Variants in POLR3B observed in about 807,000 individuals in gnomAD.
POLR3B encodes DNA-directed RNA polymerase III subunit RPC2.
In POLR3B, 96 loss-of-function variants were observed where a neutral mutation model predicts 147.4. The observed-to-expected ratio is 0.65, with a 90% CI of 0.55 to 0.77. POLR3B has a LOEUF of 0.77. POLR3B is among the 30% of genes least tolerant of loss of function. POLR3B has a pLI of 0.00. For synonymous variants in POLR3B, 461 were observed against 485.9 expected, an observed-to-expected ratio of 0.95 and a Z score of 0.67; for missense variants, 1,036 against 1,413.5, an observed-to-expected ratio of 0.73 and a Z score of 4.28.
At chr12:106,443,673 A>C (rs1409085212) in intron 18 of POLR3B, among the ~76,000 whole-genome samples, 3 of 151,100 alleles carry the variant, frequency 2.0e-5, no homozygotes, top group Non-Finnish European at 2.9e-5. Flanking sequence ...GCCCGCCACC[A>C]TGCCTGGCTA....
chr12:106,503,596 A>T (rs577460432), intron 26 of POLR3B, among the ~76,000 whole-genome samples: 1 of 152,344 alleles, frequency 6.6e-6, no homozygotes, highest in African/African-American at 2.4e-5. Context: ...TCCATTCAAG[A>T]GGCTAACAGC....
At chr12:106,359,895 G>C (rs1470214026) in intron 1 of POLR3B, among the ~76,000 whole-genome samples, 1 of 152,154 alleles carries the variant, frequency 6.6e-6, no homozygotes, top group Non-Finnish European at 1.5e-5. Flanking sequence ...CTATCGGACC[G>C]CTTCTCCAGA....
At chr12:106,409,136 A>G (rs1305256934) in intron 11 of POLR3B, among the ~76,000 whole-genome samples, 2 of 152,184 alleles carry the variant, frequency 1.3e-5, no homozygotes, top group African/African-American at 2.4e-5. Flanking sequence ...TTTCTCATTA[A>G]CAAGAAAGAT....
chr12:106,378,400 A>G lies in POLR3B; in HGVS notation c.614+16A>G, dbSNP rs1471527006. 6.7e-7 allele frequency: 1 copy of G among 1,493,150 alleles called. No homozygotes were observed. Among genetic ancestry groups the G allele is most frequent in the South Asian group, 1.1e-5 (1 of 88,648 alleles). The allele number at this position is 1,493,150 out of a possible 1,614,324, so 92.5% of individuals were successfully genotyped here. A position where few individuals can be genotyped will look rare whatever the true frequency, so the allele number is the denominator to read the frequency against. On this transcript the variant is annotated intron_variant, in intron 8 of 27. Transcript: ENST00000228347. The stretch of plus-strand genomic sequence containing the variant: ...CAGTTACCAGGTATGGAAAGCAGAG[A>G]TGGTGTCCTTAAGCAATATTGGTCA...
intron 2 of POLR3B, among the ~76,000 whole-genome samples, chr12:106,365,281 G>A (rs555225760): frequency 2.8e-4 from 43 of 152,236 alleles, no homozygotes; most frequent in Non-Finnish European, 5.6e-4. Flanking sequence ...TTTGAAAGCC[G>A]TGTTAAGGAT....
intron 12 of POLR3B, among the ~76,000 whole-genome samples, chr12:106,425,920 T>C (rs545226487): frequency 6.6e-6 from 1 of 152,320 alleles, no homozygotes; most frequent in African/African-American, 2.4e-5. Flanking sequence ...TATGTTGTTT[T>C]ATGTCTGGTT....
intron 23 of POLR3B, among the ~76,000 whole-genome samples, chr12:106,480,579 C>A (rs989076947): frequency 2.6e-5 from 4 of 152,132 alleles, no homozygotes; most frequent in African/African-American, 9.7e-5. Context: ...CGCTTGCTAC[C>A]CTTGGGTCTC....
At chr12:106,379,839 T>C (rs2036734919) in intron 8 of POLR3B, among the ~76,000 whole-genome samples, 192 bp from the exon 9 acceptor site, 1 of 152,230 alleles carries the variant, frequency 6.6e-6, no homozygotes, top group Non-Finnish European at 1.5e-5. Flanking sequence ...AAATTTATAG[T>C]GTTTTTAAAT....
At chr12:106,484,918 G>T (rs2038317440) in intron 23 of POLR3B, among the ~76,000 whole-genome samples, 1 of 152,096 alleles carries the variant, frequency 6.6e-6, no homozygotes, top group Non-Finnish European at 1.5e-5. Context: ...AAGCAGCACA[G>T]TATGAGACTT....
At chr12:106,400,090 T>C (rs1375593720) in intron 10 of POLR3B, among the ~76,000 whole-genome samples, 1 of 152,098 alleles carries the variant, frequency 6.6e-6, no homozygotes, top group Non-Finnish European at 1.5e-5. Context: ...AGGAAACCCA[T>C]CTAAGGTGCA....
At chr12:106,496,939 T>C in intron 25 of POLR3B, 21 bp downstream of exon 25, 2 of 1,610,548 alleles carry the variant, frequency 1.2e-6, no homozygotes, top group Non-Finnish European at 1.7e-6. Flanking sequence ...GATTGAGCTA[T>C]TTTAAAGAAA....
At chr12:106,436,659 C>T (rs961090489) in intron 16 of POLR3B, among the ~76,000 whole-genome samples, 3 of 152,124 alleles carry the variant, frequency 2.0e-5, no homozygotes, top group Admixed American at 1.3e-4. Flanking sequence ...AATGTGAAAT[C>T]GGGAAGTTTT....
chr12:106,456,687 A>C (rs1219724118), intron 20 of POLR3B, among the ~76,000 whole-genome samples: 1 of 152,032 alleles, frequency 6.6e-6, no homozygotes, highest in Non-Finnish European at 1.5e-5. Flanking sequence ...ACAATTCTCA[A>C]CTCTGCTGCC....
chr12:106,421,711 A>AT (rs2037376176), intron 12 of POLR3B, among the ~76,000 whole-genome samples: 1 of 151,046 alleles, frequency 6.6e-6, no homozygotes, highest in African/African-American at 2.4e-5. Context: ...ATATATATAT[A>AT]TTTTTTGAGA....
intron 23 of POLR3B, among the ~76,000 whole-genome samples, chr12:106,487,109 T>C (rs2137064350): frequency 6.6e-6 from 1 of 152,320 alleles, no homozygotes; most frequent in Non-Finnish European, 1.5e-5. Flanking sequence ...CTAAAGGAGT[T>C]GGATATTGGC....
At chr12:106,500,086 C>T (rs747094610) in intron 25 of POLR3B, 1 of 456,076 alleles carries the variant, frequency 2.2e-6, no homozygotes. Flanking sequence ...CTGTCGGGCG[C>T]TCTGTGTCCA....
chr12:106,474,246 G>T (rs566647176), intron 23 of POLR3B, among the ~76,000 whole-genome samples: 1 of 135,680 alleles, frequency 7.4e-6, no homozygotes, highest in African/African-American at 2.8e-5. Flanking sequence ...GCTTTTTGAT[G>T]TGCTGCTGGA....
At chr12:106,417,510 C>A (rs1270850786) in intron 12 of POLR3B, among the ~76,000 whole-genome samples, 1 of 152,124 alleles carries the variant, frequency 6.6e-6, no homozygotes, top group Non-Finnish European at 1.5e-5. Flanking sequence ...TGGAGATGAA[C>A]AGGCGAAGAG....
intron 23 of POLR3B, among the ~76,000 whole-genome samples, chr12:106,493,960 G>C (rs139265247): frequency 4.1e-4 from 62 of 152,244 alleles, no homozygotes; most frequent in Non-Finnish European, 7.4e-4. Context: ...CCTTGGTTCA[G>C]ATATTGCCAA....
Sources: gnomAD v4.1 joint callset for allele counts (sites outside exome capture counted in the v4.1 genomes callset) on GRCh38, gnomAD v4.1.1 for gene constraint, MANE v1.5 for transcripts, NCBI Gene and HGNC (gene_info 2026-07-23, HGNC 2026-07-21) for gene names.